Variants in VPS33B observed in about 807,000 individuals in gnomAD.
VPS33B encodes vacuolar protein sorting-associated protein 33B.
In VPS33B, 80 loss-of-function variants were observed where a neutral mutation model predicts 95.3. The observed-to-expected ratio is 0.84, with a 90% CI of 0.70 to 1.01. The LOEUF (loss-of-function observed/expected upper bound fraction) is 1.01. Ranked by LOEUF, VPS33B falls within the 50% of genes least tolerant of loss-of-function variation. VPS33B has a pLI of 0.00. For missense variants in VPS33B, 715 were observed against 773.4 expected (o/e 0.92, Z 0.90); for synonymous variants, 280 against 280.4 (o/e 1.00, Z 0.01).
chr15:91,014,759 A>T (rs2040876540), intron 3 of VPS33B, among the ~76,000 whole-genome samples: 2 of 152,194 alleles, frequency 1.3e-5, no homozygotes, highest in Non-Finnish European at 2.9e-5. Context: ...CAATATAAGA[A>T]TACCCCATAA....
chr15:90,999,316 G>A lies in VPS33B; in HGVS notation c.1775-262C>T, dbSNP rs572895638. 1.6e-5 allele frequency: 9 copies of A among 558,310 alleles called. No homozygotes were observed. In the South Asian group the frequency reaches 1.6e-4, roughly 10 times the overall value. The allele number at this position is 558,310 out of a possible 1,614,324, so 34.6% of individuals were successfully genotyped here. On this transcript the variant is annotated intron_variant, in intron 22 of 22. Coordinates refer to ENST00000333371, the MANE Select transcript of VPS33B (RefSeq NM_018668.5). The surrounding 1 kb of genome is among the most constrained non-coding windows in gnomAD (Gnocchi z 5.1). ...AATATTCCTGTGCAGGACACTTTGC[G>A]TGTTTTTTTTTTTTCTCTTGAGATG...
chr15:91,000,656 GATAAAGT>G lies in VPS33B; in HGVS notation c.1480-72_1480-66del. Reference sequence around the variant, plus strand: ...AGCTCCCTAACCCTTTAAAGGGTCAGATAAAGTGGCATGGCCCAAGGAACAATTCTTA... The same window carrying G: ...AGCTCCCTAACCCTTTAAAGGGTCAGGGCATGGCCCAAGGAACAATTCTTA... On this transcript the variant is annotated intron_variant, in intron 19 of 22. Transcript: ENST00000333371. The surrounding 1 kb of genome is among the most constrained non-coding windows in gnomAD (Gnocchi z 4.9). 3 of 1,436,220 alleles carry G rather than the reference GATAAAGT, an allele frequency of 2.1e-6. No homozygotes were observed. Among genetic ancestry groups the G allele is most frequent in the South Asian group, 1.2e-5 (1 of 86,012 alleles). 89.0% of individuals were successfully genotyped at this position (1,436,220 alleles called of 1,614,324 possible). A position where few individuals can be genotyped will look rare whatever the true frequency, so the allele number is the denominator to read the frequency against.
chr15:91,012,698 G>A (rs1339931994), intron 5 of VPS33B, among the ~76,000 whole-genome samples: 1 of 152,198 alleles, frequency 6.6e-6, no homozygotes, highest in Non-Finnish European at 1.5e-5. Flanking sequence ...TAAAGGCCTG[G>A]AACGTCATTC....
In VPS33B at chr15:91,017,165, CT is replaced by C. The variant is rs1397896967; in HGVS notation, c.178-142del. On this transcript the variant is annotated intron_variant, in intron 2 of 22. Coordinates refer to ENST00000333371, the MANE Select transcript of VPS33B (RefSeq NM_018668.5). Reference sequence around the variant, plus strand: ...TCCTAATTATGCTAATTATGCTCCCCTGACGACCATCCCACTGAATTTTCCT... The same window carrying C: ...TCCTAATTATGCTAATTATGCTCCCCGACGACCATCCCACTGAATTTTCCT... 3.9e-6 allele frequency: 3 copies of C among 762,902 alleles called. No individual in the cohort carries two copies. In the African/African-American group the frequency reaches 5.1e-5, roughly 13 times the overall value. 47.3% of individuals were successfully genotyped at this position (762,902 alleles called of 1,614,324 possible).
At chr15:91,003,038 A>C in intron 17 of VPS33B, 47 bp downstream of exon 17, 1 of 1,607,164 alleles carries the variant, frequency 6.2e-7, no homozygotes, top group South Asian at 1.1e-5. Context: ...ATGCCCAATA[A>C]CTGCCCTCCA....
At position 91,015,235 on chromosome 15, in the gene VPS33B, C is replaced by T. The variant is rs1165386049; in HGVS notation, c.240-802G>A. 1.3e-5 allele frequency among the ~76,000 whole-genome samples: 2 copies of T among 152,040 alleles called. No individual in the cohort carries two copies. The highest frequency in any genetic ancestry group is 1.9e-4 in the East Asian group (1 of 5,202). On this transcript the variant is annotated intron_variant, in intron 3 of 22. Coordinates refer to ENST00000333371, the MANE Select transcript of VPS33B (RefSeq NM_018668.5). This position sits in a 1 kb window ranked among gnomAD's most constrained non-coding sequence, Gnocchi z 4.7. ...TCTGTAATCCCAGCTACGCAGGAGGCTGAGGCAGGAGAATCGCTTGAACCC... is the reference window on the plus strand; with the variant it reads ...TCTGTAATCCCAGCTACGCAGGAGGTTGAGGCAGGAGAATCGCTTGAACCC...
chr15:90,999,315 C>CCT lies in VPS33B; in HGVS notation c.1775-262_1775-261insAG. Reference sequence around the variant, plus strand: ...AAATATTCCTGTGCAGGACACTTTGCGTGTTTTTTTTTTTTCTCTTGAGAT... The same window carrying CCT: ...AAATATTCCTGTGCAGGACACTTTGCCTGTGTTTTTTTTTTTTCTCTTGAGAT... On this transcript the variant is annotated intron_variant, in intron 22 of 22. Coordinates refer to ENST00000333371, the MANE Select transcript of VPS33B (RefSeq NM_018668.5). The surrounding 1 kb of genome is among the most constrained non-coding windows in gnomAD (Gnocchi z 5.1). 1 of 559,818 alleles carries CCT rather than the reference C, an allele frequency of 1.8e-6. No homozygotes were observed. The highest frequency in any genetic ancestry group is 2.1e-5 in the South Asian group (1 of 48,556). The allele number at this position is 559,818 out of a possible 1,614,324, so 34.7% of individuals were successfully genotyped here. A position where few individuals can be genotyped will look rare whatever the true frequency, so the allele number is the denominator to read the frequency against.
chr15:91,001,326 A>G (rs1567218935), intron 19 of VPS33B, 63 bp downstream of exon 19: 3 of 1,328,720 alleles, frequency 2.3e-6, no homozygotes, highest in Non-Finnish European at 3.2e-6. Flanking sequence ...AAAAAAAAAA[A>G]AGAAAAGTAC....
rs1264822050 is a variant in VPS33B, at chr15:91,022,531, C to A, written c.-282G>T. On this transcript the variant is annotated 5_prime_UTR_variant, in exon 1 of 23. Transcript: ENST00000333371. Reference sequence around the variant, plus strand: ...CCCGTCAGCAGGATTCCGGTCTACACCCCGCAGAGACTCCGCAGCGTACGA... The same window carrying A: ...CCCGTCAGCAGGATTCCGGTCTACAACCCGCAGAGACTCCGCAGCGTACGA... The A allele has an allele frequency of 3.2e-6, 1 of 316,364 alleles. No individual in the cohort carries two copies. The highest frequency in any genetic ancestry group is 5.8e-6 in the Non-Finnish European group (1 of 173,188). The allele number at this position is 316,364 out of a possible 1,614,324, so 19.6% of individuals were successfully genotyped here.
rs929407263 is a variant in VPS33B at position 91,007,840 on chromosome 15, A to G, written c.498+30T>C. The G allele has an allele frequency of 6.2e-7, 1 of 1,602,212 alleles. No homozygotes were observed. The highest frequency in any genetic ancestry group is 8.6e-7 in the Non-Finnish European group (1 of 1,169,288). ...ATCCCACATTTGTCCCCATCCCCTG[A>G]TGCCAAGACACAAGGGCCTCTGCAT... On this transcript the variant is annotated intron_variant, in intron 7 of 22. Transcript: ENST00000333371. This position sits in a 1 kb window ranked among gnomAD's most constrained non-coding sequence, Gnocchi z 5.3.
Position 91,007,397 on chromosome 15 carries a change from G to T in VPS33B, c.603+72C>A. The T allele has an allele frequency of 2.8e-6, 4 of 1,424,884 alleles. No homozygotes were observed. The highest frequency in any genetic ancestry group is 2.3e-5 in the East Asian group (1 of 43,974). 88.3% of individuals were successfully genotyped at this position (1,424,884 alleles called of 1,614,324 possible). A position where few individuals can be genotyped will look rare whatever the true frequency, so the allele number is the denominator to read the frequency against. On this transcript the variant is annotated intron_variant, in intron 8 of 22. Transcript: ENST00000333371. The surrounding 1 kb of genome is among the most constrained non-coding windows in gnomAD (Gnocchi z 5.3). ...TACACCTCATATCACAGGTGCCCTT[G>T]GATAACCCCAGGAGGGTACAGAACA...
chr15:91,001,513 C>A, intron 18 of VPS33B, 51 bp from the exon 19 acceptor site: 1 of 1,460,716 alleles, frequency 6.8e-7, no homozygotes, highest in Non-Finnish European at 9.6e-7. Context: ...GGATTCATGA[C>A]ACTGCCACAG....
At chr15:91,008,081 G>A in intron 6 of VPS33B, 117 bp from the exon 7 acceptor site, 1 of 884,212 alleles carries the variant, frequency 1.1e-6, no homozygotes, top group Non-Finnish European at 1.9e-6. Context: ...CCTGCCACAT[G>A]CCAGTACTGC....
At position 91,018,109 on chromosome 15, in the gene VPS33B, C is replaced by T; in HGVS notation, c.97-224G>A. The T allele has an allele frequency of 1.8e-6, 1 of 547,568 alleles. No individual in the cohort carries two copies. The highest frequency in any genetic ancestry group is 3.4e-5 in the East Asian group (1 of 29,788). The allele number at this position is 547,568 out of a possible 1,614,324, so 33.9% of individuals were successfully genotyped here. ...TCTGTACCAGTGGGAAGAAGACATC[C>T]CACCTTCTTTCTCAGGTTAACTCCT... On this transcript the variant is annotated intron_variant, in intron 1 of 22. Coordinates refer to ENST00000333371, the MANE Select transcript of VPS33B (RefSeq NM_018668.5). The surrounding 1 kb of genome is among the most constrained non-coding windows in gnomAD (Gnocchi z 4.7).
chr15:91,015,913 A>G lies in VPS33B; in HGVS notation c.239+1050T>C, dbSNP rs1054301532. ...TTTTTTCAAACTGGGGTACATGGAT[A>G]TATTCTCCATGTATCCAGGAGAATT... On this transcript the variant is annotated intron_variant, in intron 3 of 22. Coordinates refer to ENST00000333371, the MANE Select transcript of VPS33B (RefSeq NM_018668.5). The surrounding 1 kb of genome is among the most constrained non-coding windows in gnomAD (Gnocchi z 4.7). Among the ~76,000 whole-genome samples, 3 of 152,202 alleles carry G rather than the reference A, an allele frequency of 2.0e-5. No homozygotes were observed. Among genetic ancestry groups the G allele is most frequent in the Non-Finnish European group, 4.4e-5 (3 of 68,052 alleles).
In VPS33B at chr15:91,018,187, T is replaced by G. The variant is rs1200841017; in HGVS notation, c.97-302A>C. 6.6e-6 allele frequency among the ~76,000 whole-genome samples: 1 copy of G among 152,128 alleles called. No individual in the cohort carries two copies. Among genetic ancestry groups the G allele is most frequent in the East Asian group, 1.9e-4 (1 of 5,200 alleles). On this transcript the variant is annotated intron_variant, in intron 1 of 22. Transcript: ENST00000333371. The surrounding 1 kb of genome is among the most constrained non-coding windows in gnomAD (Gnocchi z 4.7). ...GACCTTGGTCTGCACCTCACTCCCC[T>G]TCTCTGCTGCCTCCTCCACTCTGGC... is the stretch of plus-strand genomic sequence containing the variant.
At position 91,022,258 on chromosome 15, in the gene VPS33B, T is replaced by A. The variant is rs1339759199; in HGVS notation, c.-9A>T. 6.4e-7 allele frequency: 1 copy of A among 1,553,196 alleles called. No homozygotes were observed. Among genetic ancestry groups the A allele is most frequent in the South Asian group, 1.2e-5 (1 of 85,398 alleles). ...CGATGGGGAAAAGCCATGGCAGCGG[T>A]CACCTGCGCCGCGGGGTGGAAGGAC... On this transcript the variant is annotated 5_prime_UTR_variant, in exon 1 of 23. Transcript: ENST00000333371.
chr15:91,003,737 A>C (rs2040513489), intron 16 of VPS33B, among the ~76,000 whole-genome samples: 1 of 152,132 alleles, frequency 6.6e-6, no homozygotes, highest in South Asian at 2.1e-4. Flanking sequence ...CGCACCTGGC[A>C]GACTCATGCA....
At chr15:91,014,309 G>C (rs2040862814) in intron 4 of VPS33B, 75 bp downstream of exon 4, 14 of 1,436,602 alleles carry the variant, frequency 9.7e-6, no homozygotes, top group East Asian at 2.3e-5. Context: ...TCTTATTAGA[G>C]GGTCCTTATG....
Sources: allele counts gnomAD v4.1 joint callset (sites outside exome capture counted in the v4.1 genomes callset), GRCh38; gene constraint gnomAD v4.1.1; non-coding constraint Gnocchi (gnomAD v3.1); transcripts MANE v1.5; gene names NCBI Gene and HGNC (gene_info 2026-07-23, HGNC 2026-07-21).